Variants in TMEM39B observed in about 807,000 individuals in gnomAD.
TMEM39B encodes the protein transmembrane protein 39B.
TMEM39B carries 23 observed loss-of-function variants against 52.2 expected under a neutral mutation model. That is an observed-to-expected ratio of 0.44 (90% CI 0.32 to 0.62). The LOEUF (loss-of-function observed/expected upper bound fraction) is 0.62, where lower values mean the gene tolerates loss of function less well. Among genes scored for constraint, TMEM39B ranks in the 20% least tolerant of loss-of-function variants. The probability of loss-of-function intolerance (pLI) is 0.06; values close to 1 mark genes in which losing one functional copy is unlikely to be tolerated. For synonymous variants in TMEM39B, 285 were observed against 264.0 expected (o/e 1.08, Z -0.77); for missense variants, 547 against 642.0 (o/e 0.85, Z 1.60).
At chr1:32,074,767 G>T (rs761479957) in intron 1 of TMEM39B, among the ~76,000 whole-genome samples, 184 bp from the exon 2 acceptor site, 1 of 152,100 alleles carries the variant, frequency 6.6e-6, no homozygotes. Flanking sequence ...GGTGGTAGAG[G>T]GTGGGTGTGA....
intron 5 of TMEM39B, among the ~76,000 whole-genome samples, chr1:32,080,393 C>T (rs1007671445): frequency 4.0e-5 from 6 of 151,798 alleles, no homozygotes; most frequent in African/African-American, 1.2e-4. Context: ...CTGTCGGACG[C>T]GGTGGCTCAT....
rs567560512 is a variant in TMEM39B at position 32,089,715 on chromosome 1, C to T, written c.591-1960C>T. On this transcript the variant is annotated intron_variant, in intron 5 of 8. Coordinates refer to ENST00000336294, the MANE Select transcript of TMEM39B (RefSeq NM_018056.4). ...AGGCTGGAGTGCAGTGGTGTGATCT[C>T]GGCTCATTGCAACCTCTGCCTCCTG... Among the ~76,000 whole-genome samples, 21 of 147,516 alleles carry T rather than the reference C, an allele frequency of 1.4e-4. No individual in the cohort carries two copies. The East Asian group carries it at 2.0e-3, about 14-fold the overall frequency.
At chr1:32,074,261 C>T (rs992603298) in intron 1 of TMEM39B, among the ~76,000 whole-genome samples, 4 of 152,084 alleles carry the variant, frequency 2.6e-5, no homozygotes, top group Admixed American at 2.6e-4. Context: ...TCATGGGGCC[C>T]TGGATGAAAA....
In TMEM39B at chr1:32,075,119, G is replaced by A. The variant is rs757378550; in HGVS notation, c.131+42G>A. On this transcript the variant is annotated intron_variant, in intron 2 of 8. Transcript: ENST00000336294. Reference sequence around the variant, plus strand: ...TCTCACCCCTCACTGTGGCCTCACAGGGACGATGTGGACAGGGCTCTCTCT... The same window carrying A: ...TCTCACCCCTCACTGTGGCCTCACAAGGACGATGTGGACAGGGCTCTCTCT... The A allele has an allele frequency of 1.4e-5, 22 of 1,528,444 alleles. No homozygotes were observed. In the African/African-American group the frequency reaches 2.3e-4, roughly 16 times the overall value. 94.7% of individuals were successfully genotyped at this position (1,528,444 alleles called of 1,614,324 possible).
chr1:32,080,114 T>G (rs998193785), intron 5 of TMEM39B, among the ~76,000 whole-genome samples: 5 of 151,882 alleles, frequency 3.3e-5, no homozygotes, highest in Admixed American at 3.3e-4. Flanking sequence ...GGTCTCGATC[T>G]CCTGACCTCG....
chr1:32,088,724 T>C (rs1038846945), intron 5 of TMEM39B, among the ~76,000 whole-genome samples: 15 of 152,188 alleles, frequency 9.9e-5, no homozygotes, highest in Admixed American at 7.2e-4. Flanking sequence ...TAATTGATCA[T>C]AGGACCTATC....
At chr1:32,072,375 G>T (rs547145919), upstream of TMEM39B, 1 of 152,320 alleles carries the variant, frequency 6.6e-6, no homozygotes, top group South Asian at 2.1e-4. Context: ...CAGCCTCATC[G>T]TAAAGCATAA....
intron 3 of TMEM39B, 79 bp from the exon 4 acceptor site, chr1:32,076,684 G>A: frequency 7.3e-7 from 1 of 1,377,888 alleles, no homozygotes; most frequent in Non-Finnish European, 1.0e-6. Context: ...AAAGAAATGG[G>A]CAGCGGGAGG....
upstream of TMEM39B, chr1:32,072,815 G>T: frequency 3.7e-6 from 2 of 546,288 alleles, no homozygotes; most frequent in Non-Finnish European, 3.2e-6. Flanking sequence ...GGAAGGGCGT[G>T]GGGGACCGAG....
chr1:32,085,643 C>T (rs965165045), intron 5 of TMEM39B, among the ~76,000 whole-genome samples: 1 of 151,392 alleles, frequency 6.6e-6, no homozygotes, highest in East Asian at 1.9e-4. Context: ...CTCAGCTACT[C>T]GGGAGACTGA....
intron 3 of TMEM39B, chr1:32,076,103 CTTTTTTTTTTTT>C (rs1178215057): frequency 2.6e-5 from 2 of 76,258 alleles, no homozygotes; most frequent in Non-Finnish European, 4.8e-5. Flanking sequence ...TTCTTTTCTT[CTTTTTTTTTTTT>C]TTTTTTTTTT....
rs565673622 is a variant in TMEM39B at position 32,079,271 on chromosome 1, A to G, written c.590+1953A>G. Among the ~76,000 whole-genome samples, 5 of 141,790 alleles carry G rather than the reference A, an allele frequency of 3.5e-5. No individual in the cohort carries two copies. In the East Asian group the frequency reaches 1.0e-3, roughly 29 times the overall value. 93.0% of individuals were successfully genotyped at this position (141,790 alleles called of 152,430 possible). ...ACAATCTTGGCTCACTGCAAGCTCC[A>G]CCTCCCGGGTTCACACCATTCTCCT... On this transcript the variant is annotated intron_variant, in intron 5 of 8. Transcript: ENST00000336294.
At chr1:32,093,325 C>T (rs1292825515) in intron 6 of TMEM39B, among the ~76,000 whole-genome samples, 1 of 151,122 alleles carries the variant, frequency 6.6e-6, no homozygotes, top group East Asian at 1.9e-4. Context: ...TCTTGAACTC[C>T]TGACCTCAGG....
intron 7 of TMEM39B, among the ~76,000 whole-genome samples, chr1:32,097,471 C>T (rs149238682): frequency 9.9e-5 from 15 of 151,374 alleles, no homozygotes; most frequent in Non-Finnish European, 1.6e-4. Flanking sequence ...GCTGGGATTA[C>T]AGGCGTGCGC....
chr1:32,072,200 TA>T (rs1397691181), upstream of TMEM39B: 1 of 152,234 alleles, frequency 6.6e-6, no homozygotes, highest in Non-Finnish European at 1.5e-5. Context: ...ACAAGATGAC[TA>T]AAACTGCTTG....
At chr1:32,075,847 T>G (rs1639831662) in intron 3 of TMEM39B, 25 bp downstream of exon 3, 1 of 1,278,196 alleles carries the variant, frequency 7.8e-7, no homozygotes, top group East Asian at 2.9e-5. Flanking sequence ...AGGGTGTGTG[T>G]GTGTGTGTGT....
Position 32,077,261 on chromosome 1 carries a change from C to T in TMEM39B, c.533C>T (p.Ser178Phe), listed in dbSNP as rs1639905001. The T allele has an allele frequency of 1.2e-6, 2 of 1,614,042 alleles. No homozygotes were observed. Among genetic ancestry groups the T allele is most frequent in the Non-Finnish European group, 1.7e-6 (2 of 1,180,030 alleles). Residue 178 changes from serine (S) to phenylalanine (F), a missense_variant, in exon 5 of 9, where the codon TCC becomes TTC. Physicochemically the swap from Ser to Phe is radical, Grantham distance 155 (BLOSUM62 -2). Transcript: ENST00000336294. ...GCAACAGGCTGGAGTCTGTGCCGAT[C>T]CCTCATCCACCTCTTCAGGACCTAC... ...LTATGWSLCR[S>F]LIHLFRTYSF...
chr1:32,090,444 C>T (rs1474570862), intron 5 of TMEM39B, among the ~76,000 whole-genome samples: 1 of 151,986 alleles, frequency 6.6e-6, no homozygotes, highest in African/African-American at 2.4e-5. Flanking sequence ...TTACTTATAC[C>T]TCTCTTGTGC....
At chr1:32,074,468 A>G (rs78206772) in intron 1 of TMEM39B, among the ~76,000 whole-genome samples, 2,037 of 152,288 alleles carry the variant, frequency 0.013, 23 homozygotes, top group Non-Finnish European at 0.02. Context: ...GCACTGAGGT[A>G]GGGGATATAG....
Sources: gnomAD v4.1 joint callset for allele counts (sites outside exome capture counted in the v4.1 genomes callset) on GRCh38, gnomAD v4.1.1 for gene constraint, MANE v1.5 for transcripts, NCBI Gene and HGNC (gene_info 2026-07-23, HGNC 2026-07-21) for gene names.